PCDH9: variants seen among roughly 807,000 people sequenced by gnomAD.
The protein encoded by PCDH9 is protocadherin-9.
In PCDH9, 24 loss-of-function variants were observed where a neutral mutation model predicts 70.6. That is an observed-to-expected ratio of 0.34 (90% CI 0.25 to 0.48). The LOEUF is 0.48. Among genes scored for constraint, PCDH9 ranks in the 20% least tolerant of loss-of-function variants. The pLI, the probability that PCDH9 is intolerant of heterozygous loss-of-function variation, is 0.99. For missense variants in PCDH9, 1,281 were observed against 1,503.6 expected, an observed-to-expected ratio of 0.85 and a Z score of 2.45; for synonymous variants, 562 against 558.5, an observed-to-expected ratio of 1.01 and a Z score of -0.09.
chr13:66,425,744 C>T (rs1957657383), intron 4 of PCDH9, among the ~76,000 whole-genome samples: 1 of 151,550 alleles, frequency 6.6e-6, no homozygotes, highest in African/African-American at 2.4e-5. Context: ...TTTGGAAAAA[C>T]AGTTTTTATA....
At chr13:67,171,070 T>C (rs1341159553) in intron 2 of PCDH9, among the ~76,000 whole-genome samples, 4 of 152,218 alleles carry the variant, frequency 2.6e-5, no homozygotes, top group Non-Finnish European at 5.9e-5. Flanking sequence ...CGAAATGACT[T>C]CTATCTCCTA....
intron 2 of PCDH9, among the ~76,000 whole-genome samples, chr13:67,027,325 T>C (rs1218929536): frequency 1.3e-5 from 2 of 152,216 alleles, no homozygotes; most frequent in East Asian, 1.9e-4. Context: ...AAGGATTCCC[T>C]ATTTAATAAA....
At chr13:66,318,945 T>A (rs1298193470) in intron 4 of PCDH9, among the ~76,000 whole-genome samples, 1 of 151,562 alleles carries the variant, frequency 6.6e-6, no homozygotes. Flanking sequence ...AGGCTATTAT[T>A]CTCTGGAAGG....
intron 3 of PCDH9, among the ~76,000 whole-genome samples, chr13:66,840,422 G>A (rs2081096948): frequency 6.6e-6 from 1 of 151,968 alleles, no homozygotes; most frequent in South Asian, 2.1e-4. Flanking sequence ...ATATGTTTAT[G>A]TAAGGTTAAT....
chr13:66,491,385 T>TTG (rs71106974), intron 4 of PCDH9, among the ~76,000 whole-genome samples: 17,835 of 135,956 alleles, frequency 0.13, 1,193 homozygotes, highest in Middle Eastern at 0.23. Flanking sequence ...GCAGGAGATA[T>TTG]TGTGTGTGTG....
At chr13:66,750,610 A>G (rs79117712) in intron 3 of PCDH9, among the ~76,000 whole-genome samples, 7,298 of 152,214 alleles carry the variant, frequency 0.048, 557 homozygotes, top group African/African-American at 0.16. Flanking sequence ...TCATAAAAGC[A>G]TAAATTAGAA....
chr13:67,152,263 C>T (rs932126248), intron 2 of PCDH9, among the ~76,000 whole-genome samples: 24 of 152,132 alleles, frequency 1.6e-4, no homozygotes, highest in Admixed American at 1.2e-3. Flanking sequence ...AATTTGGCAG[C>T]GCTCCATGCC....
chr13:67,128,926 G>T (rs912489559), intron 2 of PCDH9, among the ~76,000 whole-genome samples: 5 of 152,162 alleles, frequency 3.3e-5, no homozygotes, highest in African/African-American at 9.7e-5. Flanking sequence ...GATAGCAGTG[G>T]TAAGTTTGAG....
At chr13:66,407,939 T>C (rs1366952537) in intron 4 of PCDH9, among the ~76,000 whole-genome samples, 1 of 152,134 alleles carries the variant, frequency 6.6e-6, no homozygotes, top group Non-Finnish European at 1.5e-5. Context: ...AGAATATAAG[T>C]CAGGTTCACT....
intron 4 of PCDH9, among the ~76,000 whole-genome samples, chr13:66,590,403 A>G (rs1434610405): frequency 6.6e-6 from 1 of 151,928 alleles, no homozygotes; most frequent in Non-Finnish European, 1.5e-5. Flanking sequence ...TATAATAAAC[A>G]TGAGACAAAG....
chr13:67,227,394 G>A lies in PCDH9; in HGVS notation c.1047C>T (p.Thr349=), dbSNP rs770926063. The A allele has an allele frequency of 2.6e-5, 42 of 1,613,112 alleles. No homozygotes were observed. Among genetic ancestry groups the A allele is most frequent in the South Asian group, 2.0e-4 (18 of 91,058 alleles). The part of the protein sequence containing the change: ...PARATVTINV[T]DVNDNPPNID... ...TATTAGGAGGGTTATCATTTACATCGGTGACATTGATGGTAACCGTTGCTC... is the reference window on the plus strand; with the variant it reads ...TATTAGGAGGGTTATCATTTACATCAGTGACATTGATGGTAACCGTTGCTC... Residue 349 remains threonine (T), a synonymous_variant, in exon 2 of 5, where the codon ACC becomes ACT. Transcript: ENST00000377865. This position sits in a 1 kb window ranked among gnomAD's most constrained non-coding sequence, Gnocchi z 4.6.
intron 2 of PCDH9, among the ~76,000 whole-genome samples, chr13:67,096,140 A>G (rs992994326): frequency 6.6e-6 from 1 of 152,170 alleles, no homozygotes. Flanking sequence ...ACACTTACTT[A>G]ATATCCACAT....
intron 2 of PCDH9, among the ~76,000 whole-genome samples, chr13:66,952,300 C>T (rs1372747688): frequency 6.6e-6 from 1 of 152,166 alleles, no homozygotes; most frequent in Non-Finnish European, 1.5e-5. Flanking sequence ...CATCTACAGC[C>T]ACCACTGTTC....
intron 2 of PCDH9, among the ~76,000 whole-genome samples, chr13:66,925,467 AAC>A (rs2082703038): frequency 6.6e-6 from 1 of 151,912 alleles, no homozygotes; most frequent in Non-Finnish European, 1.5e-5. Flanking sequence ...GATCTGATTT[AAC>A]TAAGTGACAC....
At chr13:66,526,995 A>T (rs1960243239) in intron 4 of PCDH9, among the ~76,000 whole-genome samples, 1 of 152,184 alleles carries the variant, frequency 6.6e-6, no homozygotes, top group African/African-American at 2.4e-5. Context: ...TAGGCCACGA[A>T]GTGGCTGTGG....
intron 4 of PCDH9, among the ~76,000 whole-genome samples, chr13:66,438,675 C>T (rs1469309532): frequency 6.6e-6 from 1 of 152,180 alleles, no homozygotes; most frequent in Non-Finnish European, 1.5e-5. Flanking sequence ...TACAAGCCCA[C>T]ATAACACTCC....
chr13:67,226,665 C>A lies in PCDH9; in HGVS notation c.1776G>T (p.Gly592=), dbSNP rs1381209859. 2 of 1,612,134 alleles carry A rather than the reference C, an allele frequency of 1.2e-6. No individual in the cohort carries two copies. The highest frequency in any genetic ancestry group is 1.7e-6 in the Non-Finnish European group (2 of 1,178,290). ...SENLPKYSTV[G]VITVTDADAG... ...CATCTGCATCTGTCACTGTGATTAC[C>A]CCCACAGTACTATACTTTGGCAGAT... The change falls in exon 2 of 5, where the codon GGG becomes GGT. Residue 592 remains glycine, a synonymous_variant. Coordinates refer to ENST00000377865, the MANE Select transcript of PCDH9 (RefSeq NM_203487.3). This position sits in a 1 kb window ranked among gnomAD's most constrained non-coding sequence, Gnocchi z 5.0.
chr13:66,880,155 C>A (rs529651867), intron 3 of PCDH9: 1 of 152,184 alleles, frequency 6.6e-6, no homozygotes, highest in East Asian at 1.9e-4. Context: ...TATTGAAGTA[C>A]AAAAGAATAA....
At chr13:66,329,911 C>T (rs147027582) in intron 4 of PCDH9, among the ~76,000 whole-genome samples, 2 of 152,204 alleles carry the variant, frequency 1.3e-5, no homozygotes, top group Non-Finnish European at 2.9e-5. Flanking sequence ...GAAAGTACTG[C>T]ATTTCTAGAA....
Sources: allele counts gnomAD v4.1 joint callset (sites outside exome capture counted in the v4.1 genomes callset), GRCh38; gene constraint gnomAD v4.1.1; non-coding constraint Gnocchi (gnomAD v3.1); transcripts MANE v1.5; gene names NCBI Gene and HGNC (gene_info 2026-07-23, HGNC 2026-07-21).